TIAM1: variants seen among roughly 807,000 people sequenced by gnomAD.
TIAM1 encodes the protein rho guanine nucleotide exchange factor TIAM1.
In TIAM1, 65 loss-of-function variants were observed where a neutral mutation model predicts 163.5. The ratio of observed to expected loss-of-function variants is 0.40; its 90% CI spans 0.33 to 0.49. The LOEUF is 0.49. Among genes scored for constraint, TIAM1 ranks in the 20% least tolerant of loss-of-function variants. The pLI is 0.77. For missense variants in TIAM1, 1,789 were observed against 2,044.7 expected (o/e 0.87, Z 2.41); for synonymous variants, 833 against 810.1 (o/e 1.03, Z -0.48).
In TIAM1 at chr21:31,136,000, G is replaced by A. The variant is rs141765629; in HGVS notation, c.3816C>T (p.Thr1272=). 3.5e-4 allele frequency: 568 copies of A among 1,614,006 alleles called. 1 individual carries two copies. Among genetic ancestry groups the A allele is most frequent in the Middle Eastern group, 3.1e-3 (19 of 6,084 alleles). ...LSMGDLLLHT[T]VIWLNPPASL... ...AGGCCGGCGGGTTCAGCCAGATCAC[G>A]GTAGTGTGCAAAAGCAGGTCTCCCA... Residue 1272 remains threonine (T), a synonymous_variant, in exon 23 of 28, where the codon ACC becomes ACT. Transcript: ENST00000541036.
intron 1 of TIAM1, among the ~76,000 whole-genome samples, chr21:31,516,763 T>C (rs549877736): frequency 1.1e-4 from 16 of 150,648 alleles, no homozygotes; most frequent in African/African-American, 3.9e-4. Flanking sequence ...CTTAGAAATA[T>C]AATGAATTCA....
At chr21:31,202,459 A>C (rs117280698) in intron 12 of TIAM1, among the ~76,000 whole-genome samples, 94 of 152,180 alleles carry the variant, frequency 6.2e-4, no homozygotes, top group Non-Finnish European at 1.0e-3. Flanking sequence ...CCAGTTACTC[A>C]GGAGGCTGGC....
At chr21:31,364,257 A>G (rs1483879042) in intron 2 of TIAM1, among the ~76,000 whole-genome samples, 2 of 152,242 alleles carry the variant, frequency 1.3e-5, no homozygotes, top group Non-Finnish European at 2.9e-5. Context: ...GTGGGCCACC[A>G]AAAATAAAAA....
intron 2 of TIAM1, among the ~76,000 whole-genome samples, chr21:31,285,733 C>T (rs151056875): frequency 0.028 from 4,195 of 152,158 alleles, 178 homozygotes; most frequent in African/African-American, 0.092. Context: ...TGGTGGCCCA[C>T]ACCTGTAATC....
intron 2 of TIAM1, among the ~76,000 whole-genome samples, chr21:31,406,969 CCTT>C (rs2077258416): frequency 6.6e-6 from 1 of 152,166 alleles, no homozygotes; most frequent in African/African-American, 2.4e-5. Context: ...CCCTTCTTGT[CCTT>C]CTTTCCCAGG....
chr21:31,332,687 C>T (rs1299692957), intron 2 of TIAM1, among the ~76,000 whole-genome samples: 1 of 151,530 alleles, frequency 6.6e-6, no homozygotes, highest in East Asian at 1.9e-4. Flanking sequence ...GCCACTGGAA[C>T]CACCCAGAGA....
chr21:31,418,284 G>A (rs1262413043), intron 2 of TIAM1, among the ~76,000 whole-genome samples: 1 of 148,456 alleles, frequency 6.7e-6, no homozygotes, highest in African/African-American at 2.5e-5. Flanking sequence ...GGAAGTTGAG[G>A]TGAGCCGAGA....
intron 2 of TIAM1, among the ~76,000 whole-genome samples, chr21:31,337,014 G>A (rs1439943290): frequency 1.3e-5 from 2 of 152,182 alleles, no homozygotes; most frequent in Non-Finnish European, 2.9e-5. Context: ...CCACCCTGGA[G>A]GAACACACAA....
intron 1 of TIAM1, among the ~76,000 whole-genome samples, chr21:31,500,352 A>G (rs1421880644): frequency 3.3e-5 from 5 of 152,024 alleles, no homozygotes; most frequent in Non-Finnish European, 5.9e-5. Flanking sequence ...AACAACAGCA[A>G]CCTTCAAAAA....
At chr21:31,152,883 G>C (rs1344848422) in intron 18 of TIAM1, 122 bp from the exon 19 acceptor site, 2 of 1,424,672 alleles carry the variant, frequency 1.4e-6, no homozygotes, top group Non-Finnish European at 1.9e-6. Context: ...CCCACTACCA[G>C]AGAGCGGGGC....
intron 19 of TIAM1, among the ~76,000 whole-genome samples, chr21:31,150,693 A>C (rs2083332632): frequency 6.6e-6 from 1 of 152,160 alleles, no homozygotes; most frequent in Non-Finnish European, 1.5e-5. Context: ...CATAGATAAG[A>C]CACCAAAAGT....
intron 19 of TIAM1, among the ~76,000 whole-genome samples, chr21:31,150,147 C>T (rs6517013): frequency 0.12 from 17,857 of 152,084 alleles, 1,229 homozygotes; most frequent in African/African-American, 0.2. Flanking sequence ...ATTCTTGTAA[C>T]TTTTCTGTAA....
chr21:31,279,271 G>A (rs958275280), intron 2 of TIAM1, among the ~76,000 whole-genome samples: 2 of 152,140 alleles, frequency 1.3e-5, no homozygotes, highest in South Asian at 2.1e-4. Context: ...CCCTGGTTGC[G>A]GAACTGATCC....
intron 20 of TIAM1, among the ~76,000 whole-genome samples, chr21:31,143,347 G>A (rs904999110): frequency 2.6e-5 from 4 of 151,870 alleles, no homozygotes; most frequent in East Asian, 1.9e-4. Context: ...CCAGTGACTC[G>A]ATACTTTTCA....
intron 2 of TIAM1, among the ~76,000 whole-genome samples, chr21:31,386,503 G>A (rs1316964925): frequency 6.6e-6 from 1 of 152,170 alleles, no homozygotes; most frequent in African/African-American, 2.4e-5. Flanking sequence ...GAGGTAAGTG[G>A]CTACCTGGAG....
At chr21:31,377,896 G>A (rs1302520498) in intron 2 of TIAM1, among the ~76,000 whole-genome samples, 1 of 151,718 alleles carries the variant, frequency 6.6e-6, no homozygotes, top group Non-Finnish European at 1.5e-5. Flanking sequence ...CAGCACTTTG[G>A]GAGGCCGAGG....
chr21:31,312,497 G>A (rs2074967102), intron 2 of TIAM1, among the ~76,000 whole-genome samples: 1 of 152,124 alleles, frequency 6.6e-6, no homozygotes, highest in African/African-American at 2.4e-5. Context: ...TTCTAAAAAA[G>A]ACCCTCCTTG....
chr21:31,124,512 C>T lies in TIAM1; in HGVS notation c.4306+10G>A. ...GACGGGAATCTTGAACGTCCGAATC[C>T]CCACAGTACCTGCCCTGCTCATGGC... On this transcript the variant is annotated intron_variant, in intron 27 of 27. Transcript: ENST00000541036. 1 of 1,611,836 alleles carries T rather than the reference C, an allele frequency of 6.2e-7. No individual in the cohort carries two copies.
At chr21:31,356,535 C>G (rs1423240092) in intron 2 of TIAM1, among the ~76,000 whole-genome samples, 1 of 152,110 alleles carries the variant, frequency 6.6e-6, no homozygotes, top group African/African-American at 2.4e-5. Context: ...TCGGAGCCCC[C>G]AGGATTGGGA....
Sources: allele counts gnomAD v4.1 joint callset (sites outside exome capture counted in the v4.1 genomes callset), GRCh38; gene constraint gnomAD v4.1.1; transcripts MANE v1.5; gene names NCBI Gene and HGNC (gene_info 2026-07-23, HGNC 2026-07-21).